The following DNAH1 variants were observed in gnomAD, a reference collection of about 807,000 sequenced individuals.
DNAH1 encodes axonemal beta dynein heavy chain 1.
In DNAH1, 327 loss-of-function variants were observed where a neutral mutation model predicts 484.3. The observed-to-expected ratio is 0.68, with a 90% confidence interval of 0.62 to 0.74. DNAH1 has a LOEUF of 0.74. Ranked by LOEUF, DNAH1 falls within the 30% of genes least tolerant of loss-of-function variation. The pLI, the probability that DNAH1 is intolerant of heterozygous loss-of-function variation, is 0.00. For synonymous variants in DNAH1, 2,192 were observed against 2,191.9 expected (o/e 1.00, Z 0.00); for missense variants, 5,052 against 5,546.8 (o/e 0.91, Z 2.83).
At chr3:52,319,318 A>T (rs1701060579) in intron 1 of DNAH1, among the ~76,000 whole-genome samples, 4 of 152,176 alleles carry the variant, frequency 2.6e-5, no homozygotes, top group African/African-American at 9.7e-5. Context: ...CTCCCAGGTG[A>T]TCTGAGTGGG....
intron 51 of DNAH1, 34 bp from the exon 52 acceptor site, chr3:52,383,826 T>A (rs769311988): frequency 6.4e-7 from 1 of 1,552,622 alleles, no homozygotes; most frequent in Non-Finnish European, 8.7e-7. Context: ...TTGGTCAGTG[T>A]CTCTGGACCT....
Position 52,320,234 on chromosome 3 carries a change from G to C in DNAH1, c.-34-2175G>C, listed in dbSNP as rs377482615. On this transcript the variant is annotated intron_variant, in intron 1 of 77. Coordinates refer to ENST00000420323, the MANE Select transcript of DNAH1 (RefSeq NM_015512.5). ...GAAGCTGAGCCCCAAGGCGTCCTCT[G>C]TTCTTTAGGGTACTTCGGGAAGTGT... Among the ~76,000 whole-genome samples, 3 of 152,356 alleles carry C rather than the reference G, an allele frequency of 2.0e-5. No individual in the cohort carries two copies. The East Asian group carries it at 5.8e-4, about 29-fold the overall frequency.
chr3:52,375,525 G>T (rs1053876441), intron 45 of DNAH1, 112 bp downstream of exon 45: 11 of 1,176,152 alleles, frequency 9.4e-6, no homozygotes, highest in Non-Finnish European at 1.3e-5. Context: ...AACCATGACC[G>T]CAACCCTGGG....
At chr3:52,349,103 C>T (rs778839184) in intron 13 of DNAH1, 22 bp downstream of exon 13, 15 of 1,612,840 alleles carry the variant, frequency 9.3e-6, no homozygotes, top group South Asian at 5.5e-5. Flanking sequence ...TGCCCATGCA[C>T]GTCGGAGGGT....
chr3:52,352,125 G>C (rs1460994736), intron 17 of DNAH1, 22 bp downstream of exon 17: 1 of 1,562,704 alleles, frequency 6.4e-7, no homozygotes, highest in Non-Finnish European at 8.7e-7. Flanking sequence ...CTGCAGGCTT[G>C]GTGCTGGACA....
In DNAH1 at chr3:52,361,094, G is replaced by A; in HGVS notation, c.4686-70G>A. On this transcript the variant is annotated intron_variant, in intron 28 of 77. Transcript: ENST00000420323. The surrounding 1 kb of genome is among the most constrained non-coding windows in gnomAD (Gnocchi z 5.6). ...ACGGGGCGAGAGGCCCCAGTCCACA[G>A]GAAATTCCAAGGAAAGGGGGAGTGT... 2 of 1,363,420 alleles carry A rather than the reference G, an allele frequency of 1.5e-6. No individual in the cohort carries two copies. Among genetic ancestry groups the A allele is most frequent in the Non-Finnish European group, 1.9e-6 (2 of 1,048,820 alleles). 84.5% of individuals were successfully genotyped at this position (1,363,420 alleles called of 1,614,324 possible).
intron 7 of DNAH1, among the ~76,000 whole-genome samples, chr3:52,331,814 CAG>C (rs1319183213): frequency 6.6e-6 from 1 of 151,934 alleles, no homozygotes; most frequent in Non-Finnish European, 1.5e-5. Context: ...TTAGTAGAGA[CAG>C]GGTTTTACCA....
Position 52,370,559 on chromosome 3 carries a change from G to A in DNAH1, c.6341G>A (p.Ser2114Asn). The A allele has an allele frequency of 6.2e-7, 1 of 1,613,956 alleles. No individual in the cohort carries two copies. The highest frequency in any genetic ancestry group is 8.5e-7 in the Non-Finnish European group (1 of 1,179,872). The change falls in exon 40 of 78, where the codon AGC becomes AAC. Residue 2114 changes from serine (S) to asparagine (N), a missense_variant. Transcript: ENST00000420323. ...EPWFIFSLIW[S>N]VGATGDSSGR... ...TGGTTCATCTTCTCCCTGATCTGGA[G>A]CGTGGGTGCCACTGGGGACAGCAGT...
At chr3:52,321,416 CT>C (rs981955731) in intron 1 of DNAH1, among the ~76,000 whole-genome samples, 1 of 152,174 alleles carries the variant, frequency 6.6e-6, no homozygotes, top group Non-Finnish European at 1.5e-5. Context: ...GCCCCGGCCT[CT>C]TTTTTTCTAA....
rs774434401 is a variant in DNAH1, at chr3:52,356,644, C to T, written c.3724C>T (p.Arg1242Trp). The change falls in exon 22 of 78, where the codon CGG (arginine) becomes TGG (tryptophan). Residue 1242 changes from arginine (R) to tryptophan (W), a missense_variant. Physicochemically the swap from Arg to Trp is moderately radical, Grantham distance 101 (BLOSUM62 -3). This residue lies in a region of DNAH1 where 2,929 missense variants were observed against 3,409.4 expected (regional missense o/e 0.86). Transcript: ENST00000420323. ...TCTGGAGGAGTGGCTGAACTGTCAG[C>T]GGTCCTGGCTCTACCTGGAGCCCAT... ...EVLEEWLNCQRSWLYLEPIFS... is the reference protein window; with the variant it reads ...EVLEEWLNCQWSWLYLEPIFS... The T allele has an allele frequency of 5.0e-6, 8 of 1,613,566 alleles. No individual in the cohort carries two copies. In the South Asian group the frequency reaches 5.5e-5, roughly 11 times the overall value.
Position 52,370,244 on chromosome 3 carries a change from G to A in DNAH1, c.6258+15G>A, listed in dbSNP as rs1703274014. ...TGCCTAGAGAGGTACAGCCCTGAGA[G>A]TGGGGCTAGATGCACCTGGTCCCTC... On this transcript the variant is annotated intron_variant, in intron 39 of 77. Coordinates refer to ENST00000420323, the MANE Select transcript of DNAH1 (RefSeq NM_015512.5). 1 of 1,612,366 alleles carries A rather than the reference G, an allele frequency of 6.2e-7. No individual in the cohort carries two copies. The highest frequency in any genetic ancestry group is 1.3e-5 in the African/African-American group (1 of 74,918).
At chr3:52,386,032 C>T in intron 54 of DNAH1, 128 bp from the exon 55 acceptor site, 1 of 1,081,990 alleles carries the variant, frequency 9.2e-7, no homozygotes, top group Non-Finnish European at 1.3e-6. Flanking sequence ...TATTCCCAGA[C>T]CTCTCTGGCC....
At chr3:52,382,923 T>C (rs1414748489) in intron 50 of DNAH1, among the ~76,000 whole-genome samples, 3 of 152,238 alleles carry the variant, frequency 2.0e-5, no homozygotes, top group Admixed American at 6.5e-5. Context: ...AGCCCCTGAA[T>C]GTGCCCCATC....
At chr3:52,324,401 C>G (rs11707931) in intron 3 of DNAH1, among the ~76,000 whole-genome samples, 28,836 of 152,084 alleles carry the variant, frequency 0.19, 3,261 homozygotes, top group African/African-American at 0.31. Context: ...GTGGGGCCTT[C>G]CCCAGTGGCA....
rs774186790 is a variant in DNAH1, at chr3:52,350,097, G to A, written c.2635G>A (p.Val879Met). The A allele has an allele frequency of 6.2e-6, 10 of 1,611,780 alleles. No individual in the cohort carries two copies. The highest frequency in any genetic ancestry group is 3.3e-5 in the Admixed American group (2 of 59,882). The change falls in exon 15 of 78, where the codon GTG becomes ATG. Residue 879 changes from valine (V) to methionine (M), a missense_variant. Around this residue, in one of 4 missense-constraint regions of DNAH1, gnomAD observed 1,263 missense variants for 1,218.8 expected, o/e 1.04. Transcript: ENST00000420323. ...GATGAAGGGCATCCCGGAGAGGCTG[G>A]TGGGCCTGGAGGTGAGGCAGGCACA... ...EWMKGIPERL[V>M]GLEERIVKVM... is the part of the protein sequence containing the mutation.
chr3:52,370,954 T>G, intron 41 of DNAH1, 129 bp downstream of exon 41: 1 of 844,752 alleles, frequency 1.2e-6, no homozygotes, highest in South Asian at 1.7e-5. Flanking sequence ...AGCGGTTATT[T>G]GCATCATCTC....
rs186185022 is a variant in DNAH1 at position 52,395,523 on chromosome 3, T to A, written c.11128-24T>A. On this transcript the variant is annotated intron_variant, in intron 69 of 77. Transcript: ENST00000420323. The surrounding 1 kb of genome is among the most constrained non-coding windows in gnomAD (Gnocchi z 4.4). ...CTGGGGGGTGGGCAAGCTGGCCCCCTGCTCAGTGCTCTTGCCCCTGCAGGG... is the reference window on the plus strand; with the variant it reads ...CTGGGGGGTGGGCAAGCTGGCCCCCAGCTCAGTGCTCTTGCCCCTGCAGGG... 11 of 1,613,308 alleles carry A rather than the reference T, an allele frequency of 6.8e-6. No individual in the cohort carries two copies. Among genetic ancestry groups the A allele is most frequent in the Non-Finnish European group, 8.5e-6 (10 of 1,179,668 alleles).
Position 52,396,590 on chromosome 3 carries a change from C to T in DNAH1, c.11431-28C>T, listed in dbSNP as rs781588657. 1.9e-6 allele frequency: 3 copies of T among 1,611,164 alleles called. No homozygotes were observed. The South Asian group carries it at 3.3e-5, about 18-fold the overall frequency. On this transcript the variant is annotated intron_variant, in intron 71 of 77. Transcript: ENST00000420323. ...CCTACCTGCCCCCGTCCCCGCTCCT[C>T]ACCTCCCCTGCCTCCCACCTCCCCC... is the stretch of plus-strand genomic sequence containing the variant.
At chr3:52,383,827 C>G in intron 51 of DNAH1, 33 bp from the exon 52 acceptor site, 1 of 1,562,642 alleles carries the variant, frequency 6.4e-7, no homozygotes, top group African/African-American at 1.4e-5. Flanking sequence ...TGGTCAGTGT[C>G]TCTGGACCTC....
Sources: allele counts gnomAD v4.1 joint callset (sites outside exome capture counted in the v4.1 genomes callset), GRCh38; gene constraint gnomAD v4.1.1; regional missense constraint gnomAD v4.1.1; non-coding constraint Gnocchi (gnomAD v3.1); transcripts MANE v1.5; gene names NCBI Gene and HGNC (gene_info 2026-07-23, HGNC 2026-07-21).